FIRRM: variants seen among roughly 807,000 people sequenced by gnomAD.
FIRRM encodes FIGNL1 interacting regulator of recombination and mitosis.
At chr1:169,813,583 A>G in the FIRRM span, among the ~76,000 whole-genome samples, 1 of 152,254 alleles carries the variant, frequency 6.6e-6, no homozygotes, top group Non-Finnish European at 1.5e-5. Flanking sequence ...ATTAGAGTCA[A>G]TAGACAAATC....
chr1:169,795,891 C>T, the FIRRM span: 1 of 985,338 alleles, frequency 1.0e-6, no homozygotes, highest in Non-Finnish European at 1.2e-6. Flanking sequence ...GGATTTGAGG[C>T]GCTTAGCGCC....
the FIRRM span, among the ~76,000 whole-genome samples, chr1:169,789,601 C>T: frequency 6.6e-6 from 1 of 152,176 alleles, no homozygotes; most frequent in Non-Finnish European, 1.5e-5. Context: ...AGCAAATTTA[C>T]AAGACGCACT....
At chr1:169,853,084 T>C in the FIRRM span, 5 of 1,104,586 alleles carry the variant, frequency 4.5e-6, no homozygotes, top group African/African-American at 4.7e-5. Context: ...TTTTGTAAAG[T>C]TGAATCTAGT....
chr1:169,812,686 G>A, the FIRRM span, among the ~76,000 whole-genome samples: 7 of 151,942 alleles, frequency 4.6e-5, no homozygotes, highest in Admixed American at 2.0e-4. Flanking sequence ...GTGAAACCCC[G>A]TCTCTACTAA....
the FIRRM span, among the ~76,000 whole-genome samples, chr1:169,831,599 A>G: frequency 6.6e-6 from 1 of 152,134 alleles, no homozygotes; most frequent in East Asian, 1.9e-4. Flanking sequence ...TATGTGTTTT[A>G]TGTCTGAAGT....
chr1:169,833,353 T>C, the FIRRM span, among the ~76,000 whole-genome samples: 2 of 152,128 alleles, frequency 1.3e-5, no homozygotes, highest in Non-Finnish European at 2.9e-5. Context: ...CCTGCGTGAG[T>C]CAGACTTGGA....
chr1:169,792,521 C>G, the FIRRM span: 1 of 1,376,302 alleles, frequency 7.3e-7, no homozygotes, highest in Non-Finnish European at 9.7e-7. Flanking sequence ...AGAAATCAAA[C>G]ACTCAAATTT....
chr1:169,841,743 T>G, the FIRRM span, among the ~76,000 whole-genome samples: 2 of 152,252 alleles, frequency 1.3e-5, no homozygotes, highest in African/African-American at 4.8e-5. Flanking sequence ...GATTGCTGGG[T>G]GCGTAATGTG....
chr1:169,803,489 T>C, the FIRRM span, among the ~76,000 whole-genome samples: 41 of 152,164 alleles, frequency 2.7e-4, no homozygotes, highest in South Asian at 4.1e-4. Flanking sequence ...AAGGAAGTCA[T>C]TAAAAGTGGC....
chr1:169,793,363 C>A, the FIRRM span: 2 of 1,614,048 alleles, frequency 1.2e-6, no homozygotes, highest in African/African-American at 1.3e-5. Context: ...TTTCTAACAT[C>A]TTCTTTAAAT....
chr1:169,848,373 C>T, the FIRRM span, among the ~76,000 whole-genome samples: 3 of 152,256 alleles, frequency 2.0e-5, no homozygotes, highest in East Asian at 3.9e-4. Flanking sequence ...TTGAGAATTA[C>T]GCCTTCCTTA....
the FIRRM span, among the ~76,000 whole-genome samples, chr1:169,831,882 G>C: frequency 1.3e-5 from 2 of 152,162 alleles, no homozygotes; most frequent in Non-Finnish European, 2.9e-5. Flanking sequence ...TCACCCTGCT[G>C]AGTAGCTGGG....
the FIRRM span, among the ~76,000 whole-genome samples, chr1:169,807,172 A>G: frequency 1.3e-5 from 2 of 151,996 alleles, no homozygotes; most frequent in African/African-American, 4.8e-5. Flanking sequence ...AGTTCCTCAA[A>G]CATACCAAAC....
the FIRRM span, chr1:169,830,206 G>T: frequency 7.2e-7 from 1 of 1,383,932 alleles, no homozygotes; most frequent in African/African-American, 1.4e-5. Flanking sequence ...TAATATTATT[G>T]CTTATTGTGA....
the FIRRM span, chr1:169,823,332 G>T: frequency 1.3e-6 from 1 of 769,138 alleles, no homozygotes; most frequent in Non-Finnish European, 2.1e-6. Context: ...ATGTTATTTT[G>T]CATACCTTTG....
the FIRRM span, chr1:169,837,159 T>G: frequency 6.7e-7 from 1 of 1,488,948 alleles, no homozygotes; most frequent in Middle Eastern, 1.8e-4. Context: ...CAGCTGTTTA[T>G]TGAGCATTGT....
At chr1:169,790,195 G>A in the FIRRM span, among the ~76,000 whole-genome samples, 163 of 148,752 alleles carry the variant, frequency 1.1e-3, 1 homozygote, top group African/African-American at 3.9e-3. Context: ...CTCTTTTTTT[G>A]TTGAGAGAGT....
the FIRRM span, chr1:169,832,369 G>T: frequency 7.6e-7 from 1 of 1,318,140 alleles, no homozygotes; most frequent in South Asian, 1.2e-5. Flanking sequence ...TAAAAATTCT[G>T]ATTCTAAATT....
At chr1:169,808,528 A>G in the FIRRM span, among the ~76,000 whole-genome samples, 1 of 152,054 alleles carries the variant, frequency 6.6e-6, no homozygotes, top group Non-Finnish European at 1.5e-5. Context: ...CTTTCAGACT[A>G]GCCCTCAATT....
Sources: gnomAD v4.1 joint callset for allele counts (sites outside exome capture counted in the v4.1 genomes callset) on GRCh38, gnomAD v4.1.1 for gene constraint, MANE v1.5 for transcripts, NCBI Gene and HGNC (gene_info 2026-07-23, HGNC 2026-07-21) for gene names.